KCNH8: variants seen among roughly 807,000 people sequenced by gnomAD.
The protein encoded by KCNH8 is potassium voltage-gated channel subfamily H member 8, also known as voltage-gated delayed rectifier potassium channel KCNH8.
In KCNH8, 70 loss-of-function variants were observed where a neutral mutation model predicts 103.6. The observed-to-expected ratio is 0.68, with a 90% confidence interval of 0.56 to 0.82. The LOEUF (loss-of-function observed/expected upper bound fraction) is 0.82, where lower values mean the gene tolerates loss of function less well. KCNH8 is among the 40% of genes least tolerant of loss of function. KCNH8 has a pLI of 0.00. For missense variants in KCNH8, 1,217 were observed against 1,329.9 expected (o/e 0.92, Z 1.32); for synonymous variants, 498 against 489.4 (o/e 1.02, Z -0.23).
intron 3 of KCNH8, among the ~76,000 whole-genome samples, chr3:19,310,099 C>T (rs1031936535): frequency 6.6e-6 from 1 of 151,834 alleles, no homozygotes; most frequent in Non-Finnish European, 1.5e-5. Context: ...AGCATTGTAC[C>T]TGAATATAGT....
intron 8 of KCNH8, among the ~76,000 whole-genome samples, chr3:19,442,753 T>A (rs2067301818): frequency 6.6e-6 from 1 of 152,154 alleles, no homozygotes. Context: ...GGGGAAATAA[T>A]TTTATATTAT....
At chr3:19,411,756 A>G (rs2066782780) in intron 7 of KCNH8, among the ~76,000 whole-genome samples, 1 of 151,318 alleles carries the variant, frequency 6.6e-6, no homozygotes, top group African/African-American at 2.4e-5. Flanking sequence ...AATCCCATTA[A>G]CCGTAGCCAC....
chr3:19,206,578 C>T (rs1427128479), intron 1 of KCNH8, among the ~76,000 whole-genome samples: 1 of 151,798 alleles, frequency 6.6e-6, no homozygotes, highest in African/African-American at 2.4e-5. Context: ...CACTATTAAC[C>T]AGATAATTAT....
rs147788802 is a variant in KCNH8 at position 19,247,699 on chromosome 3, G to T, written c.77-5955G>T. Among the ~76,000 whole-genome samples, 439 of 152,262 alleles carry T rather than the reference G, an allele frequency of 2.9e-3. 2 individuals carry two copies. Among genetic ancestry groups the T allele is most frequent in the African/African-American group, 0.01 (421 of 41,564 alleles). Reference sequence around the variant, plus strand: ...ATCAAAGATACTCTTCAGAAATAAAGATTTGAACTATAAATGTCTCAATTT... The same window carrying T: ...ATCAAAGATACTCTTCAGAAATAAATATTTGAACTATAAATGTCTCAATTT... On this transcript the variant is annotated intron_variant, in intron 1 of 15. Coordinates refer to ENST00000328405, the MANE Select transcript of KCNH8 (RefSeq NM_144633.3).
At chr3:19,355,434 A>G (rs1185748670) in intron 5 of KCNH8, among the ~76,000 whole-genome samples, 2 of 152,094 alleles carry the variant, frequency 1.3e-5, no homozygotes, top group African/African-American at 4.8e-5. Context: ...ACATGCACAC[A>G]TATGTTTATT....
intron 2 of KCNH8, among the ~76,000 whole-genome samples, chr3:19,277,127 T>G (rs1162643846): frequency 2.0e-5 from 3 of 152,120 alleles, no homozygotes; most frequent in African/African-American, 7.2e-5. Flanking sequence ...ATGTTCTCAT[T>G]CATATTTGAG....
chr3:19,288,818 A>G (rs148972154), intron 3 of KCNH8, among the ~76,000 whole-genome samples: 2,667 of 152,278 alleles, frequency 0.018, 83 homozygotes, highest in African/African-American at 0.06. Flanking sequence ...GACTTCCACA[A>G]TGGTTGAACT....
intron 7 of KCNH8, among the ~76,000 whole-genome samples, chr3:19,410,722 T>A (rs903624786): frequency 4.6e-5 from 7 of 151,954 alleles, no homozygotes; most frequent in African/African-American, 1.4e-4. Flanking sequence ...CAGAGAGTGT[T>A]ATGAACACCT....
intron 1 of KCNH8, among the ~76,000 whole-genome samples, chr3:19,192,420 T>A (rs2063562137): frequency 6.6e-6 from 1 of 151,668 alleles, no homozygotes; most frequent in African/African-American, 2.4e-5. Flanking sequence ...TATCATCCAA[T>A]ATTTCTCCAA....
intron 1 of KCNH8, among the ~76,000 whole-genome samples, chr3:19,162,173 A>G (rs923319167): frequency 3.3e-5 from 5 of 152,150 alleles, no homozygotes; most frequent in Admixed American, 3.3e-4. Context: ...TTTAACAAAT[A>G]GCAACTTTTT....
intron 1 of KCNH8, among the ~76,000 whole-genome samples, chr3:19,220,695 G>A (rs1287227257): frequency 6.6e-6 from 1 of 151,914 alleles, no homozygotes; most frequent in Non-Finnish European, 1.5e-5. Context: ...CAGCACATAT[G>A]ATCCCTCAAT....
chr3:19,320,696 A>G (rs1477569916), intron 3 of KCNH8, among the ~76,000 whole-genome samples: 1 of 151,810 alleles, frequency 6.6e-6, no homozygotes, highest in East Asian at 1.9e-4. Context: ...GGCCTTATAG[A>G]ATGATTTAGG....
chr3:19,397,521 G>A (rs539540282), intron 7 of KCNH8, among the ~76,000 whole-genome samples: 14 of 148,818 alleles, frequency 9.4e-5, no homozygotes, highest in South Asian at 4.2e-4. Flanking sequence ...ATATATATAC[G>A]TGTGTATATA....
At chr3:19,201,971 C>G (rs1253392918) in intron 1 of KCNH8, among the ~76,000 whole-genome samples, 1 of 152,086 alleles carries the variant, frequency 6.6e-6, no homozygotes, top group Non-Finnish European at 1.5e-5. Flanking sequence ...CAGAATAACA[C>G]TAAGAAGTAA....
chr3:19,244,690 T>C (rs1490456360), intron 1 of KCNH8, among the ~76,000 whole-genome samples: 1 of 152,264 alleles, frequency 6.6e-6, no homozygotes, highest in East Asian at 1.9e-4. Flanking sequence ...TATCTCGTTG[T>C]GGGTTTTGAT....
At chr3:19,321,695 A>G (rs1402193880) in intron 3 of KCNH8, among the ~76,000 whole-genome samples, 2 of 150,650 alleles carry the variant, frequency 1.3e-5, no homozygotes, top group East Asian at 1.9e-4. Flanking sequence ...TGTTAAGTCT[A>G]TTTGTTCTAG....
chr3:19,378,869 T>C (rs2066248923), intron 5 of KCNH8, among the ~76,000 whole-genome samples: 1 of 152,198 alleles, frequency 6.6e-6, no homozygotes, highest in Non-Finnish European at 1.5e-5. Context: ...AATAAATATA[T>C]GCTATTTCTT....
At chr3:19,253,555 C>A in intron 1 of KCNH8, 99 bp from the exon 2 acceptor site, 2 of 940,406 alleles carry the variant, frequency 2.1e-6, no homozygotes, top group East Asian at 2.4e-5. Context: ...TGCCTTTTGG[C>A]AGCTAGCTAA....
At chr3:19,164,568 C>T (rs1484843852) in intron 1 of KCNH8, among the ~76,000 whole-genome samples, 1 of 152,140 alleles carries the variant, frequency 6.6e-6, no homozygotes, top group African/African-American at 2.4e-5. Flanking sequence ...AATCTATACA[C>T]ATGGTTTTGA....
Sources: gnomAD v4.1 joint callset for allele counts (sites outside exome capture counted in the v4.1 genomes callset) on GRCh38, gnomAD v4.1.1 for gene constraint, MANE v1.5 for transcripts, NCBI Gene and HGNC (gene_info 2026-07-23, HGNC 2026-07-21) for gene names.